Variants in TMEM63C observed in about 807,000 individuals in gnomAD.
TMEM63C encodes osmosensitive cation channel TMEM63C.
Under a neutral mutation model 99.2 loss-of-function variants are expected in TMEM63C, and 32 were observed. That is an observed-to-expected ratio of 0.32 (90% CI 0.24 to 0.43). TMEM63C has a LOEUF of 0.43. Ranked by LOEUF, TMEM63C falls within the 20% of genes least tolerant of loss-of-function variation. TMEM63C has a pLI of 1.00. For missense variants in TMEM63C, 826 were observed against 1,053.0 expected (o/e 0.78, Z 2.98); for synonymous variants, 376 against 397.9 (o/e 0.94, Z 0.66).
intron 13 of TMEM63C, among the ~76,000 whole-genome samples, 189 bp from the exon 14 acceptor site, chr14:77,242,158 C>G (rs1374214862): frequency 1.3e-5 from 2 of 152,208 alleles, no homozygotes; most frequent in Non-Finnish European, 2.9e-5. Flanking sequence ...CCTCCAGATA[C>G]TGGGCCTTAG....
intron 1 of TMEM63C, among the ~76,000 whole-genome samples, chr14:77,194,330 A>ATG (rs1724511837): frequency 2.3e-5 from 1 of 42,712 alleles, no homozygotes; most frequent in Non-Finnish European, 4.9e-5. Flanking sequence ...GCATAGATAT[A>ATG]TATATATGTG....
intron 1 of TMEM63C, among the ~76,000 whole-genome samples, chr14:77,199,912 T>G (rs932593389): frequency 6.6e-6 from 1 of 152,028 alleles, no homozygotes; most frequent in African/African-American, 2.4e-5. Context: ...AACTAAAATG[T>G]AGGTGAGAGA....
At chr14:77,242,657 A>G (rs1428372542) in intron 14 of TMEM63C, among the ~76,000 whole-genome samples, 188 bp downstream of exon 14, 1 of 152,146 alleles carries the variant, frequency 6.6e-6, no homozygotes, top group African/African-American at 2.4e-5. Context: ...GGTGGCATCC[A>G]ACCCTTAGCA....
rs192464413 is a variant in TMEM63C, at chr14:77,246,984, G to A, written c.1601+310G>A. On this transcript the variant is annotated intron_variant, in intron 18 of 23. Transcript: ENST00000298351. ...TCCAGTTTCCCCCAATGGAAGCACT[G>A]TGCATAACTATAGTGTAATATCAAA... is the stretch of plus-strand genomic sequence containing the variant. Among the ~76,000 whole-genome samples, 4 of 152,286 alleles carry A rather than the reference G, an allele frequency of 2.6e-5. No homozygotes were observed. In the East Asian group the frequency reaches 7.7e-4, roughly 29 times the overall value.
chr14:77,238,219 C>T (rs1262716380), intron 9 of TMEM63C, among the ~76,000 whole-genome samples: 2 of 152,192 alleles, frequency 1.3e-5, no homozygotes, highest in African/African-American at 4.8e-5. Flanking sequence ...TTCCCAACTC[C>T]CCGGCCCAGT....
chr14:77,215,116 G>A lies in TMEM63C; in HGVS notation c.-14+1608G>A, dbSNP rs577044361. Among the ~76,000 whole-genome samples, 70 of 152,172 alleles carry A rather than the reference G, an allele frequency of 4.6e-4. 1 individual carries two copies. The South Asian group carries it at 0.014, about 31-fold the overall frequency. On this transcript the variant is annotated intron_variant, in intron 2 of 23. Coordinates refer to ENST00000298351, the MANE Select transcript of TMEM63C (RefSeq NM_020431.4). ...CAGCACAGCAAGTCTGGCTGCTCTC[G>A]TCAATTCAAGATCATGAGCCTCCAC...
chr14:77,246,020 T>G lies in TMEM63C; in HGVS notation c.1529T>G (p.Leu510Arg). ...GTAGTCATTCTGCCCTCTATGGGAC[T>G]GACCAGGTACCTCACTTCCAATTAT... ...FMVVILPSMG[L>R]TSLDVFLRWL... The change falls in exon 17 of 24, where the codon CTG becomes CGG. Residue 510 changes from leucine to arginine, a missense_variant. Transcript: ENST00000298351. 1.2e-6 allele frequency: 2 copies of G among 1,612,660 alleles called. No individual in the cohort carries two copies. Among genetic ancestry groups the G allele is most frequent in the Non-Finnish European group, 1.7e-6 (2 of 1,178,618 alleles).
intron 1 of TMEM63C, among the ~76,000 whole-genome samples, chr14:77,209,766 G>T (rs956298691): frequency 6.6e-6 from 1 of 152,168 alleles, no homozygotes; most frequent in Non-Finnish European, 1.5e-5. Context: ...CTGTGTAGGG[G>T]TGGGGCAAGC....
chr14:77,248,233 T>C, intron 18 of TMEM63C, 114 bp from the exon 19 acceptor site: 1 of 868,862 alleles, frequency 1.2e-6, no homozygotes, highest in Non-Finnish European at 1.8e-6. Flanking sequence ...TCTGTATCTG[T>C]ATCTCCACTC....
At chr14:77,211,584 A>G (rs1354765364) in intron 1 of TMEM63C, among the ~76,000 whole-genome samples, 1 of 152,212 alleles carries the variant, frequency 6.6e-6, no homozygotes, top group Non-Finnish European at 1.5e-5. Flanking sequence ...GGGAAGTGGG[A>G]AGCAAAGTGC....
At chr14:77,207,915 T>C (rs1003530968) in intron 1 of TMEM63C, among the ~76,000 whole-genome samples, 2 of 152,180 alleles carry the variant, frequency 1.3e-5, no homozygotes, top group African/African-American at 4.8e-5. Flanking sequence ...TTCCTGCTTG[T>C]TGGAATCAGC....
At chr14:77,208,229 C>T (rs1049334516) in intron 1 of TMEM63C, among the ~76,000 whole-genome samples, 13 of 152,214 alleles carry the variant, frequency 8.5e-5, no homozygotes, top group African/African-American at 3.1e-4. Flanking sequence ...GAATTAGAAG[C>T]TGGGTCTTCA....
At chr14:77,243,993 G>A (rs1296424071) in intron 15 of TMEM63C, among the ~76,000 whole-genome samples, 2 of 152,146 alleles carry the variant, frequency 1.3e-5, no homozygotes, top group African/African-American at 4.8e-5. Context: ...GAGGGCCACA[G>A]CTCTCCCTGG....
chr14:77,183,176 C>T (rs187962496), intron 1 of TMEM63C, among the ~76,000 whole-genome samples: 109 of 152,216 alleles, frequency 7.2e-4, no homozygotes, highest in Non-Finnish European at 1.4e-3. Flanking sequence ...GAAACTGAGG[C>T]ACAGAGGGTG....
intron 16 of TMEM63C, 111 bp from the exon 17 acceptor site, chr14:77,245,829 G>A (rs1285526799): frequency 2.5e-6 from 2 of 797,172 alleles, no homozygotes; most frequent in East Asian, 2.5e-5. Context: ...ATTTGGGTGG[G>A]GACACAGAGC....
chr14:77,227,487 T>G (rs1419750920), intron 6 of TMEM63C, among the ~76,000 whole-genome samples: 1 of 152,158 alleles, frequency 6.6e-6, no homozygotes, highest in Non-Finnish European at 1.5e-5. Context: ...AAGGAGCTGT[T>G]GAAAAAACAA....
chr14:77,220,435 C>G (rs1026996824), intron 5 of TMEM63C, among the ~76,000 whole-genome samples: 1 of 152,214 alleles, frequency 6.6e-6, no homozygotes, highest in Non-Finnish European at 1.5e-5. Flanking sequence ...TGAATCAAGG[C>G]CTCACCTCCC....
chr14:77,191,315 A>C (rs1047474348), intron 1 of TMEM63C, among the ~76,000 whole-genome samples: 3 of 152,122 alleles, frequency 2.0e-5, no homozygotes, highest in Admixed American at 2.0e-4. Flanking sequence ...ATAGTAGTAA[A>C]CACCACCATA....
intron 6 of TMEM63C, among the ~76,000 whole-genome samples, chr14:77,231,229 A>G (rs374227): frequency 0.064 from 9,808 of 152,256 alleles, 409 homozygotes; most frequent in Admixed American, 0.1. Flanking sequence ...TCAGTACCAC[A>G]AGTGCTTTAT....
Sources: gnomAD v4.1 joint callset for allele counts (sites outside exome capture counted in the v4.1 genomes callset) on GRCh38, gnomAD v4.1.1 for gene constraint, MANE v1.5 for transcripts, NCBI Gene and HGNC (gene_info 2026-07-23, HGNC 2026-07-21) for gene names.